WAPL: variants seen among roughly 807,000 people sequenced by gnomAD.
WAPL encodes the protein WAPL cohesin release factor, also known as wings apart-like protein homolog.
In WAPL, 5 loss-of-function variants were observed where a neutral mutation model predicts 121.0. The observed-to-expected ratio is 0.04, with a 90% CI of 0.02 to 0.09. The LOEUF (loss-of-function observed/expected upper bound fraction) is 0.09, where lower values mean the gene tolerates loss of function less well. Ranked by LOEUF, WAPL falls within the 10% of genes least tolerant of loss-of-function variation. The pLI is 1.00. For synonymous variants in WAPL, 480 were observed against 481.5 expected, an observed-to-expected ratio of 1.00 and a Z score of 0.04; for missense variants, 999 against 1,410.8, an observed-to-expected ratio of 0.71 and a Z score of 4.68.
chr10:86,460,615 G>C (rs1841246076), intron 10 of WAPL, 119 bp from the exon 11 acceptor site: 2 of 699,334 alleles, frequency 2.9e-6, no homozygotes, highest in East Asian at 2.9e-5. Context: ...GAACCTCTCT[G>C]AACATTTTTT....
At chr10:86,457,905 C>T (rs757360663) in intron 12 of WAPL, among the ~76,000 whole-genome samples, 13 of 151,886 alleles carry the variant, frequency 8.6e-5, no homozygotes, top group East Asian at 1.9e-4. Context: ...TATTTATGGA[C>T]GAAATAATAT....
chr10:86,510,117 CA>C (rs1251744836), intron 2 of WAPL, among the ~76,000 whole-genome samples: 1 of 141,044 alleles, frequency 7.1e-6, no homozygotes, highest in Non-Finnish European at 1.5e-5. Context: ...TTCTGTTGCC[CA>C]GGCTGGAGTG....
intron 16 of WAPL, 128 bp downstream of exon 16, chr10:86,446,114 G>T: frequency 1.0e-6 from 1 of 996,546 alleles, no homozygotes; most frequent in Non-Finnish European, 1.5e-6. Context: ...AAGCTTGTCT[G>T]GACTGAACTA....
At position 86,521,703 on chromosome 10, in the gene WAPL, C is replaced by G; in HGVS notation, c.-361G>C. On this transcript the variant is annotated 5_prime_UTR_variant, in exon 1 of 19. Coordinates refer to ENST00000298767, the MANE Select transcript of WAPL (RefSeq NM_015045.5). ...CGCTTCCGCCGGTGAATGGTCAGTGCTGGAGTTTGAACAGGGCCCTGAACC... is the reference window on the plus strand; with the variant it reads ...CGCTTCCGCCGGTGAATGGTCAGTGGTGGAGTTTGAACAGGGCCCTGAACC... 1 of 464,608 alleles carries G rather than the reference C, an allele frequency of 2.2e-6. No homozygotes were observed. The highest frequency in any genetic ancestry group is 4.4e-6 in the Non-Finnish European group (1 of 224,784). 28.8% of individuals were successfully genotyped at this position (464,608 alleles called of 1,614,324 possible). A position where few individuals can be genotyped will look rare whatever the true frequency, so the allele number is the denominator to read the frequency against.
chr10:86,494,775 G>C (rs1434323487), intron 4 of WAPL, among the ~76,000 whole-genome samples: 1 of 152,148 alleles, frequency 6.6e-6, no homozygotes, highest in Non-Finnish European at 1.5e-5. Context: ...ATGTATGAAA[G>C]GTTACTGGCA....
chr10:86,500,815 G>T, intron 2 of WAPL, 72 bp from the exon 3 acceptor site: 1 of 1,224,780 alleles, frequency 8.2e-7, no homozygotes, highest in Non-Finnish European at 1.1e-6. Context: ...CATATATGTG[G>T]TTAATCAATA....
chr10:86,505,668 A>G (rs1842336075), intron 2 of WAPL, among the ~76,000 whole-genome samples: 1 of 152,174 alleles, frequency 6.6e-6, no homozygotes, highest in Non-Finnish European at 1.5e-5. Context: ...ATTTAAATGC[A>G]TATACATATT....
At chr10:86,437,648 AT>A (rs1274930244) in intron 18 of WAPL, 40 bp from the exon 19 acceptor site, 18 of 1,596,838 alleles carry the variant, frequency 1.1e-5, no homozygotes, top group Non-Finnish European at 1.5e-5. Flanking sequence ...AACAGTTAAT[AT>A]TTAACAGATT....
chr10:86,436,941 T>A lies in WAPL; in HGVS notation c.*602A>T, dbSNP rs1849338418. 1 of 152,604 alleles carries A rather than the reference T, an allele frequency of 6.6e-6. No homozygotes were observed. Among genetic ancestry groups the A allele is most frequent in the Non-Finnish European group, 1.5e-5 (1 of 68,060 alleles). The allele number at this position is 152,604 out of a possible 1,614,324, so 9.5% of individuals were successfully genotyped here. On this transcript the variant is annotated 3_prime_UTR_variant, in exon 19 of 19. Coordinates refer to ENST00000298767, the MANE Select transcript of WAPL (RefSeq NM_015045.5). ...CAAGAATAAAAAAATATACTATTAA[T>A]CCCGTGTATCTTTGGATTCCATCTA...
chr10:86,496,068 T>G (rs771451365), intron 4 of WAPL, among the ~76,000 whole-genome samples: 1 of 152,108 alleles, frequency 6.6e-6, no homozygotes, highest in Non-Finnish European at 1.5e-5. Context: ...GAGCCAAGAT[T>G]GTGCTACCGC....
chr10:86,508,673 T>A (rs903668958), intron 2 of WAPL, among the ~76,000 whole-genome samples: 1 of 152,140 alleles, frequency 6.6e-6, no homozygotes, highest in African/African-American at 2.4e-5. Context: ...ACTTCTCTGG[T>A]TTCCCTTAAG....
chr10:86,477,692 T>C (rs1247778956), intron 4 of WAPL, among the ~76,000 whole-genome samples: 2 of 152,100 alleles, frequency 1.3e-5, no homozygotes, highest in African/African-American at 4.8e-5. Context: ...TCCCAGCTAC[T>C]TGGGAGGCTG....
intron 4 of WAPL, among the ~76,000 whole-genome samples, chr10:86,496,114 AAAAC>A (rs759433281): frequency 6.6e-6 from 1 of 152,286 alleles, no homozygotes; most frequent in African/African-American, 2.4e-5. Flanking sequence ...AACTCCATCT[AAAAC>A]AAACAAACAA....
intron 2 of WAPL, among the ~76,000 whole-genome samples, chr10:86,512,635 G>A (rs1195671502): frequency 6.6e-6 from 1 of 152,238 alleles, no homozygotes; most frequent in Non-Finnish European, 1.5e-5. Flanking sequence ...ACACCTGGCT[G>A]AGAACTGACT....
intron 4 of WAPL, among the ~76,000 whole-genome samples, chr10:86,478,760 GGTT>G (rs2132200133): frequency 6.6e-6 from 1 of 152,180 alleles, no homozygotes; most frequent in African/African-American, 2.4e-5. Flanking sequence ...ACACCACAAA[GGTT>G]GTTGTTAACA....
chr10:86,446,320 C>A lies in WAPL; in HGVS notation c.3244G>T (p.Val1082Leu). 1.2e-6 allele frequency: 2 copies of A among 1,614,160 alleles called. No homozygotes were observed. The highest frequency in any genetic ancestry group is 1.7e-6 in the Non-Finnish European group (2 of 1,180,032). The part of the protein sequence containing the change: ...WQETSGEIQW[V>L]STEKTDGTEE... The stretch of plus-strand genomic sequence containing the variant: ...GTACCATCAGTCTTTTCAGTTGACA[C>A]CCACTGTATTTCTCCACTTGTTTCT... Residue 1082 changes from valine (V) to leucine (L), a missense_variant, in exon 16 of 19, where the codon GTG becomes TTG. Transcript: ENST00000298767.
intron 4 of WAPL, among the ~76,000 whole-genome samples, chr10:86,493,527 A>C (rs374417799): frequency 2.6e-5 from 4 of 151,208 alleles, no homozygotes; most frequent in African/African-American, 9.8e-5. Flanking sequence ...TCAAATTTTC[A>C]TTTATTTATT....
intron 4 of WAPL, among the ~76,000 whole-genome samples, chr10:86,490,143 G>A (rs559620470): frequency 6.6e-6 from 1 of 152,028 alleles, no homozygotes; most frequent in East Asian, 1.9e-4. Flanking sequence ...GTACCTAGGA[G>A]GCAGAGGTTG....
chr10:86,475,618 A>C (rs1841632807), intron 4 of WAPL, among the ~76,000 whole-genome samples: 1 of 152,254 alleles, frequency 6.6e-6, no homozygotes, highest in Non-Finnish European at 1.5e-5. Flanking sequence ...TAGCAATCTG[A>C]AACAATTTAT....
Sources: allele counts gnomAD v4.1 joint callset (sites outside exome capture counted in the v4.1 genomes callset), GRCh38; gene constraint gnomAD v4.1.1; transcripts MANE v1.5; gene names NCBI Gene and HGNC (gene_info 2026-07-23, HGNC 2026-07-21).